The following KIAA1217 variants were observed in gnomAD, a reference collection of about 807,000 sequenced individuals.
The protein encoded by KIAA1217 is sickle tail protein homolog.
In KIAA1217, 88 loss-of-function variants were observed where a neutral mutation model predicts 163.9. That is an observed-to-expected ratio of 0.54 (90% CI 0.45 to 0.64). The LOEUF (loss-of-function observed/expected upper bound fraction) is 0.64. Ranked by LOEUF, KIAA1217 falls within the 30% of genes least tolerant of loss-of-function variation. The pLI is 0.00. For synonymous variants in KIAA1217, 903 were observed against 923.1 expected, an observed-to-expected ratio of 0.98 and a Z score of 0.39; for missense variants, 2,372 against 2,475.0, an observed-to-expected ratio of 0.96 and a Z score of 0.88.
At chr10:24,022,286 G>A (rs1037434681) in intron 2 of KIAA1217, among the ~76,000 whole-genome samples, 9 of 151,366 alleles carry the variant, frequency 5.9e-5, no homozygotes, top group African/African-American at 2.2e-4. Flanking sequence ...CAATTTAAAA[G>A]TAAACAAAAG....
chr10:24,509,525 A>T (rs988026400), intron 9 of KIAA1217, among the ~76,000 whole-genome samples: 13 of 152,140 alleles, frequency 8.5e-5, no homozygotes, highest in African/African-American at 2.9e-4. Flanking sequence ...GTATTTTCCA[A>T]TATTTCTTAT....
At chr10:24,173,466 CTG>C (rs1288508438) in intron 2 of KIAA1217, among the ~76,000 whole-genome samples, 1 of 152,172 alleles carries the variant, frequency 6.6e-6, no homozygotes, top group East Asian at 1.9e-4. Context: ...TGACCCTCGT[CTG>C]TGTAAAAATT....
intron 2 of KIAA1217, among the ~76,000 whole-genome samples, chr10:24,118,473 A>G (rs2063150302): frequency 6.6e-6 from 1 of 152,232 alleles, no homozygotes; most frequent in African/African-American, 2.4e-5. Context: ...AGTCCTCAGC[A>G]GGAAATCCTC....
Position 23,790,364 on chromosome 10 carries a change from T to TGC in KIAA1217, c.-321+95130_-321+95131insGC, listed in dbSNP as rs1345536467. Among the ~76,000 whole-genome samples, 15 of 106,090 alleles carry TGC rather than the reference T, an allele frequency of 1.4e-4. 1 individual carries two copies. Among genetic ancestry groups the TGC allele is most frequent in the South Asian group, 2.7e-4 (1 of 3,710 alleles). The allele number at this position is 106,090 out of a possible 152,430, so 69.6% of individuals were successfully genotyped here. On this transcript the variant is annotated intron_variant, in intron 1 of 18. Coordinates refer to the KIAA1217 transcript ENST00000376462. ...ATATACATATGCATATATGCATATA[T>TGC]ACATATACATATGTATATATACATA...
rs992751823 is a variant in KIAA1217 at position 24,430,665 on chromosome 10, A to C, written c.554-2330A>C. On this transcript the variant is annotated intron_variant, in intron 3 of 20. Coordinates refer to ENST00000376454, the MANE Select transcript of KIAA1217 (RefSeq NM_019590.5). The stretch of plus-strand genomic sequence containing the variant: ...GAGTGACAGTGACAGATCATCAGGC[A>C]TGGGATTCTCTTAAGGCGCATGCAA... Among the ~76,000 whole-genome samples the C allele has an allele frequency of 2.0e-5, 3 of 152,154 alleles. No homozygotes were observed. The East Asian group carries it at 5.8e-4, about 29-fold the overall frequency.
chr10:23,950,922 G>T (rs1303368631), intron 1 of KIAA1217, among the ~76,000 whole-genome samples: 1 of 152,154 alleles, frequency 6.6e-6, no homozygotes, highest in African/African-American at 2.4e-5. Flanking sequence ...CTTTTTGAGT[G>T]AATGAATAAA....
chr10:24,149,340 C>A (rs11013920), intron 2 of KIAA1217, among the ~76,000 whole-genome samples: 1 of 151,866 alleles, frequency 6.6e-6, no homozygotes, highest in East Asian at 1.9e-4. Context: ...CCACCATGCC[C>A]GACTAATTTT....
chr10:23,921,437 A>G (rs1842844493), intron 1 of KIAA1217, among the ~76,000 whole-genome samples: 2 of 152,214 alleles, frequency 1.3e-5, no homozygotes, highest in African/African-American at 2.4e-5. Flanking sequence ...ATTCCAGCAC[A>G]TTGTTGTCAC....
intron 2 of KIAA1217, among the ~76,000 whole-genome samples, chr10:24,104,980 T>G (rs2062566479): frequency 6.6e-6 from 1 of 152,176 alleles, no homozygotes; most frequent in Non-Finnish European, 1.5e-5. Flanking sequence ...CCTGTCTGTT[T>G]AGATTCTGTA....
At chr10:23,805,996 C>CAAAAAAAAAAAAAAAAAA (rs71397917) in intron 1 of KIAA1217, among the ~76,000 whole-genome samples, 156 of 30,498 alleles carry the variant, frequency 5.1e-3, no homozygotes, top group African/African-American at 7.1e-3. Flanking sequence ...AACTCCATCT[C>CAAAAAAAAAAAAAAAAAA]AAAAAAAAAA....
At chr10:24,501,298 A>G in intron 8 of KIAA1217, 81 bp from the exon 9 acceptor site, 1 of 1,293,776 alleles carries the variant, frequency 7.7e-7, no homozygotes, top group Non-Finnish European at 1.1e-6. Context: ...TAGAATTACC[A>G]GTCATCTGCA....
chr10:24,230,512 T>G (rs2071251210), intron 2 of KIAA1217, among the ~76,000 whole-genome samples: 1 of 141,532 alleles, frequency 7.1e-6, no homozygotes, highest in Admixed American at 7.1e-5. Context: ...GTTTTTTTTT[T>G]TTTTTTTTTT....
At chr10:23,987,593 AC>A (rs1846036372) in intron 1 of KIAA1217, among the ~76,000 whole-genome samples, 1 of 144,716 alleles carries the variant, frequency 6.9e-6, no homozygotes, top group African/African-American at 2.8e-5. Flanking sequence ...TCATTACCTC[AC>A]ATTCTTATTT....
At chr10:23,862,395 A>G (rs1392540634) in intron 1 of KIAA1217, among the ~76,000 whole-genome samples, 1 of 152,194 alleles carries the variant, frequency 6.6e-6, no homozygotes, top group African/African-American at 2.4e-5. Context: ...GGGATCAATG[A>G]AAGTTGTCCA....
chr10:24,266,894 A>G (rs1373218709), intron 2 of KIAA1217, among the ~76,000 whole-genome samples: 1 of 152,174 alleles, frequency 6.6e-6, no homozygotes. Context: ...GCTACTGCTC[A>G]CGCTTTGGGT....
At chr10:24,021,178 T>A (rs1847715126) in intron 2 of KIAA1217, among the ~76,000 whole-genome samples, 1 of 151,890 alleles carries the variant, frequency 6.6e-6, no homozygotes, top group Non-Finnish European at 1.5e-5. Context: ...TTTTAAATAA[T>A]CAATTATGTA....
chr10:24,031,079 GT>G (rs1848168932), intron 2 of KIAA1217, among the ~76,000 whole-genome samples: 3 of 152,260 alleles, frequency 2.0e-5, no homozygotes, highest in South Asian at 4.1e-4. Context: ...GTAATTCTAA[GT>G]TTAATTCTTT....
intron 2 of KIAA1217, among the ~76,000 whole-genome samples, chr10:24,077,681 C>T (rs530069352): frequency 9.8e-5 from 15 of 152,288 alleles, no homozygotes; most frequent in African/African-American, 3.6e-4. Flanking sequence ...ATTCATATTC[C>T]TCTGGATGTA....
intron 2 of KIAA1217, among the ~76,000 whole-genome samples, chr10:24,106,838 T>C (rs2062649415): frequency 6.6e-6 from 1 of 151,938 alleles, no homozygotes; most frequent in South Asian, 2.1e-4. Flanking sequence ...CACCAATTCT[T>C]TTTTGTTGTT....
Sources: allele counts gnomAD v4.1 joint callset (sites outside exome capture counted in the v4.1 genomes callset), GRCh38; gene constraint gnomAD v4.1.1; transcripts MANE v1.5; gene names NCBI Gene and HGNC (gene_info 2026-07-23, HGNC 2026-07-21).